DNAH17: variants seen among roughly 807,000 people sequenced by gnomAD.
DNAH17 encodes axonemal beta dynein heavy chain 17.
DNAH17 carries 376 observed loss-of-function variants against 485.6 expected under a neutral mutation model. The ratio of observed to expected loss-of-function variants is 0.77; its 90% CI spans 0.71 to 0.84. The LOEUF (loss-of-function observed/expected upper bound fraction) is 0.84, where lower values mean the gene tolerates loss of function less well. Among genes scored for constraint, DNAH17 ranks in the 40% least tolerant of loss-of-function variants. The pLI, the probability that DNAH17 is intolerant of heterozygous loss-of-function variation, is 0.00. For synonymous variants in DNAH17, 3,031 were observed against 2,405.9 expected (o/e 1.26, Z -7.60); for missense variants, 6,370 against 5,839.3 (o/e 1.09, Z -2.96).
At chr17:78,473,868 G>A (rs959190053) in intron 54 of DNAH17, among the ~76,000 whole-genome samples, 2 of 152,114 alleles carry the variant, frequency 1.3e-5, no homozygotes, top group African/African-American at 4.8e-5. Flanking sequence ...ACACTTGAGT[G>A]GCCGCAGATA....
chr17:78,552,842 A>G (rs1293218638), intron 14 of DNAH17, 37 bp from the exon 15 acceptor site: 1 of 1,456,354 alleles, frequency 6.9e-7, no homozygotes, highest in Admixed American at 1.7e-5. Context: ...TTCCGAGTCC[A>G]ACCAGATTTT....
At position 78,444,594 on chromosome 17, in the gene DNAH17, G is replaced by T; in HGVS notation, c.11528+10C>A. On this transcript the variant is annotated intron_variant, in intron 71 of 80. Coordinates refer to ENST00000389840, the MANE Select transcript of DNAH17 (RefSeq NM_173628.4). ...CGGGGGCGGGGCCCCCGGCGCGGCG[G>T]GACACTCACTTGATAGCGTAGGTCA... The T allele has an allele frequency of 6.5e-7, 1 of 1,544,950 alleles. No homozygotes were observed. The highest frequency in any genetic ancestry group is 1.2e-5 in the South Asian group (1 of 83,724).
chr17:78,529,390 C>T (rs1470965998), intron 22 of DNAH17, 82 bp downstream of exon 22: 21 of 1,336,690 alleles, frequency 1.6e-5, no homozygotes, highest in East Asian at 1.2e-4. Context: ...CCCATGGTTG[C>T]GTTTGATGGG....
Position 78,551,635 on chromosome 17 carries a change from A to G in DNAH17, c.2291T>C (p.Val764Ala). 1.2e-6 allele frequency: 2 copies of G among 1,613,900 alleles called. No individual in the cohort carries two copies. The highest frequency in any genetic ancestry group is 1.7e-6 in the Non-Finnish European group (2 of 1,179,800). Residue 764 changes from valine to alanine, a missense_variant, in exon 16 of 81, where the codon GTG (valine) becomes GCG (alanine). By Grantham distance (64) the Val-to-Ala change is moderately conservative. Coordinates refer to ENST00000389840, the MANE Select transcript of DNAH17 (RefSeq NM_173628.4). ...ETTLFWNGEG[V>A]FQYIQEVREI... ...TCGCACCTCTTGAATGTACTGAAAC[A>G]CACCTAAAATGGAAATGTAGAGGAA...
At chr17:78,515,940 C>G (rs1218442857) in intron 25 of DNAH17, among the ~76,000 whole-genome samples, 2 of 152,164 alleles carry the variant, frequency 1.3e-5, no homozygotes, top group African/African-American at 4.8e-5. Flanking sequence ...ACAAAATATA[C>G]AAACTACCCA....
intron 54 of DNAH17, among the ~76,000 whole-genome samples, chr17:78,473,741 G>A (rs927915125): frequency 6.6e-6 from 1 of 152,000 alleles, no homozygotes; most frequent in African/African-American, 2.4e-5. Flanking sequence ...AATCCCCGCA[G>A]GGACGCAGAG....
chr17:78,460,327 T>TGTGTGTGCATGTGTGTGC, intron 58 of DNAH17, 70 bp from the exon 59 acceptor site: 2 of 786,778 alleles, frequency 2.5e-6, no homozygotes. Context: ...TGTACGTGCA[T>TGTGTGTGCATGTGTGTGC]GTGTGTGCAT....
intron 65 of DNAH17, among the ~76,000 whole-genome samples, chr17:78,452,204 C>T (rs1374523236): frequency 6.8e-6 from 1 of 147,842 alleles, no homozygotes. Context: ...GATTTGCCAC[C>T]TCCTGGGTTC....
intron 54 of DNAH17, chr17:78,472,515 C>CA (rs2088810117): frequency 3.6e-6 from 1 of 277,110 alleles, no homozygotes; most frequent in South Asian, 2.6e-5. Context: ...CACGGCCCCT[C>CA]ATTCTGCTGA....
intron 44 of DNAH17, among the ~76,000 whole-genome samples, chr17:78,486,880 T>TG (rs1441142969): frequency 2.7e-5 from 4 of 150,782 alleles, no homozygotes; most frequent in African/African-American, 9.8e-5. Flanking sequence ...GGCACGAAGG[T>TG]GGGGACAGTA....
At chr17:78,470,846 C>A (rs140250541) in intron 54 of DNAH17, among the ~76,000 whole-genome samples, 2 of 152,182 alleles carry the variant, frequency 1.3e-5, no homozygotes, top group Non-Finnish European at 2.9e-5. Flanking sequence ...AACAGGCAAC[C>A]CCCTTTCAGA....
chr17:78,430,093 G>C (rs548980141), intron 75 of DNAH17, among the ~76,000 whole-genome samples: 5 of 152,286 alleles, frequency 3.3e-5, no homozygotes, highest in African/African-American at 1.2e-4. Flanking sequence ...CTTTGCTCTG[G>C]AACATTCTTC....
At chr17:78,453,579 G>A (rs960084036) in intron 64 of DNAH17, 114 bp from the exon 65 acceptor site, 8 of 1,380,108 alleles carry the variant, frequency 5.8e-6, no homozygotes, top group Non-Finnish European at 7.8e-6. Context: ...AGCGAGGGGT[G>A]ACCTAGGAGC....
chr17:78,570,188 C>G, intron 7 of DNAH17, 59 bp downstream of exon 7: 1 of 1,511,296 alleles, frequency 6.6e-7, no homozygotes, highest in Non-Finnish European at 8.9e-7. Flanking sequence ...AACAGTGAAC[C>G]GGGGAGGGGA....
Position 78,494,628 on chromosome 17 carries a change from C to A in DNAH17, c.6235G>T (p.Asp2079Tyr). The A allele has an allele frequency of 3.1e-6, 5 of 1,613,892 alleles. No individual in the cohort carries two copies. Among genetic ancestry groups the A allele is most frequent in the Non-Finnish European group, 4.2e-6 (5 of 1,179,886 alleles). The change falls in exon 40 of 81, where the codon GAC becomes TAC. Residue 2079 changes from aspartate to tyrosine, a missense_variant. Physicochemically the swap from Asp to Tyr is radical, Grantham distance 160. Transcript: ENST00000389840. ...TTCAGGTCCCGTTTCCGAGGCACGT[C>A]CAGAGCCGGGAAGAGGTCCCCGATC... ...GLIGDLFPAL[D>Y]VPRKRDLNFE...
intron 17 of DNAH17, 183 bp downstream of exon 17, chr17:78,543,674 C>T: frequency 1.1e-6 from 1 of 873,898 alleles, no homozygotes; most frequent in Non-Finnish European, 1.8e-6. Flanking sequence ...ATCCGCCCGA[C>T]TCAGCCTCCC....
chr17:78,460,067 A>C, intron 59 of DNAH17, 66 bp from the exon 60 acceptor site: 2 of 1,595,582 alleles, frequency 1.3e-6, no homozygotes, highest in Non-Finnish European at 8.5e-7. Context: ...TGCCCCGAAG[A>C]AGCCGCCATG....
At chr17:78,573,644 TG>T (rs1376228793) in intron 2 of DNAH17, among the ~76,000 whole-genome samples, 1 of 144,864 alleles carries the variant, frequency 6.9e-6, no homozygotes, top group Non-Finnish European at 1.5e-5. Context: ...ATTACTAGGG[TG>T]GGCCCTAGTC....
chr17:78,500,101 G>T, intron 36 of DNAH17: 2 of 563,912 alleles, frequency 3.5e-6, no homozygotes, highest in South Asian at 2.3e-5. Flanking sequence ...TTGGGGCTGC[G>T]TCTGTCCACC....
Sources: allele counts gnomAD v4.1 joint callset (sites outside exome capture counted in the v4.1 genomes callset), GRCh38; gene constraint gnomAD v4.1.1; transcripts MANE v1.5; gene names NCBI Gene and HGNC (gene_info 2026-07-23, HGNC 2026-07-21).